LIMD1: variants seen among roughly 807,000 people sequenced by gnomAD.
LIMD1 encodes the protein LIM domain-containing protein 1.
LIMD1 carries 23 observed loss-of-function variants against 58.4 expected under a neutral mutation model. That is an observed-to-expected ratio of 0.39 (90% confidence interval 0.28 to 0.56). The LOEUF (loss-of-function observed/expected upper bound fraction) is 0.56, where lower values mean the gene tolerates loss of function less well. Ranked by LOEUF, LIMD1 falls within the 20% of genes least tolerant of loss-of-function variation. The pLI, the probability that LIMD1 is intolerant of heterozygous loss-of-function variation, is 0.57. For missense variants in LIMD1, 838 were observed against 855.5 expected (o/e 0.98, Z 0.25); for synonymous variants, 334 against 345.5 (o/e 0.97, Z 0.37).
At chr3:45,612,930 C>G (rs1361453851) in intron 1 of LIMD1, 1 of 152,186 alleles carries the variant, frequency 6.6e-6, no homozygotes, top group Non-Finnish European at 1.5e-5. Context: ...CCCCTGACGC[C>G]TATCTTCCCA....
chr3:45,680,456 G>A lies in LIMD1; in HGVS notation c.*3397G>A, dbSNP rs1437849991. ...GCCTCCCGAGTAGCCGGGACCACAG[G>A]CGTGTATGACTGGCTACGCCTGGCT... On this transcript the variant is annotated 3_prime_UTR_variant, in exon 8 of 8. Coordinates refer to ENST00000273317, the MANE Select transcript of LIMD1 (RefSeq NM_014240.3). 3 of 152,122 alleles carry A rather than the reference G, an allele frequency of 2.0e-5. No individual in the cohort carries two copies. Among genetic ancestry groups the A allele is most frequent in the African/African-American group, 7.3e-5 (3 of 41,358 alleles). The allele number at this position is 152,122 out of a possible 1,614,324, so 9.4% of individuals were successfully genotyped here. A position where few individuals can be genotyped will look rare whatever the true frequency, so the allele number is the denominator to read the frequency against.
At chr3:45,628,455 C>G (rs1701688000) in intron 1 of LIMD1, among the ~76,000 whole-genome samples, 1 of 152,148 alleles carries the variant, frequency 6.6e-6, no homozygotes, top group Non-Finnish European at 1.5e-5. Context: ...CAATGAGATG[C>G]TACTGTATAA....
intron 1 of LIMD1, among the ~76,000 whole-genome samples, chr3:45,608,858 AG>A (rs1228841973): frequency 2.0e-5 from 3 of 147,732 alleles, no homozygotes; most frequent in Non-Finnish European, 4.5e-5. Context: ...AAAAAAAAAA[AG>A]AAGGAGAATG....
intron 1 of LIMD1, among the ~76,000 whole-genome samples, chr3:45,635,322 T>C (rs137995690): frequency 2.0e-5 from 3 of 152,100 alleles, no homozygotes; most frequent in African/African-American, 7.2e-5. Flanking sequence ...TCAAACAGTC[T>C]GAGGAAGGAA....
In LIMD1 at chr3:45,596,139, C is replaced by T. The variant is rs150103800; in HGVS notation, c.1260C>T (p.Asp420=). ...SDGSLGSVLL[D]SPSSPRVRLP... ...GTAGCCTGGGATCTGTGCTCCTGGA[C>T]AGCCCCAGCTCCCCTAGGGTAAGGC... The change falls in exon 1 of 8, where the codon GAC becomes GAT. Residue 420 remains aspartate (D), a synonymous_variant. Transcript: ENST00000273317. 1,226 of 1,614,190 alleles carry T rather than the reference C, an allele frequency of 7.6e-4. 10 individuals carry two copies. The African/African-American group carries it at 0.015, about 19-fold the overall frequency.
In LIMD1 at chr3:45,665,805, A is replaced by G. The variant is rs572490471; in HGVS notation, c.1578+88A>G. On this transcript the variant is annotated intron_variant, in intron 3 of 7. Coordinates refer to ENST00000273317, the MANE Select transcript of LIMD1 (RefSeq NM_014240.3). Reference sequence around the variant, plus strand: ...GGGGGACCTGGGCCAGCGTGTAGGGAAGCTGCACTGCTGGAGAGAGGGGCC... The same window carrying G: ...GGGGGACCTGGGCCAGCGTGTAGGGGAGCTGCACTGCTGGAGAGAGGGGCC... The G allele has an allele frequency of 7.3e-6, 8 of 1,101,576 alleles. No individual in the cohort carries two copies. The African/African-American group carries it at 7.8e-5, about 11-fold the overall frequency. The allele number at this position is 1,101,576 out of a possible 1,614,324, so 68.2% of individuals were successfully genotyped here. A position where few individuals can be genotyped will look rare whatever the true frequency, so the allele number is the denominator to read the frequency against.
intron 1 of LIMD1, among the ~76,000 whole-genome samples, chr3:45,627,225 T>A (rs748205015): frequency 7.9e-5 from 12 of 152,124 alleles, no homozygotes; most frequent in Admixed American, 5.2e-4. Context: ...GGGGATTCGC[T>A]GGTGCCCCAA....
chr3:45,632,374 C>T (rs1005824427), intron 1 of LIMD1: 35 of 226,606 alleles, frequency 1.5e-4, no homozygotes, highest in African/African-American at 7.3e-4. Flanking sequence ...ATTATGTCAT[C>T]GCCAGTTCCC....
chr3:45,606,547 T>C (rs1701469972), intron 1 of LIMD1, among the ~76,000 whole-genome samples: 1 of 152,218 alleles, frequency 6.6e-6, no homozygotes. Flanking sequence ...AGTGCCTCCC[T>C]GCAGGGCAGT....
chr3:45,677,111 C>T lies in LIMD1; in HGVS notation c.*52C>T, dbSNP rs781465700. On this transcript the variant is annotated 3_prime_UTR_variant, in exon 8 of 8. Coordinates refer to ENST00000273317, the MANE Select transcript of LIMD1 (RefSeq NM_014240.3). Reference sequence around the variant, plus strand: ...AGGGGATGAGGAGCCGGGGTTGCTGCTGCTGCTTCCGGTGGCCCCTGGGGT... The same window carrying T: ...AGGGGATGAGGAGCCGGGGTTGCTGTTGCTGCTTCCGGTGGCCCCTGGGGT... The T allele has an allele frequency of 1.3e-6, 2 of 1,590,688 alleles. No individual in the cohort carries two copies. Among genetic ancestry groups the T allele is most frequent in the Admixed American group, 1.7e-5 (1 of 59,548 alleles).
chr3:45,612,956 G>A (rs1701540257), intron 1 of LIMD1: 1 of 152,216 alleles, frequency 6.6e-6, no homozygotes, highest in Non-Finnish European at 1.5e-5. Context: ...AGTCGAACAA[G>A]GCAACGCTCC....
At chr3:45,636,476 G>A (rs907311800) in intron 2 of LIMD1, among the ~76,000 whole-genome samples, 2 of 152,176 alleles carry the variant, frequency 1.3e-5, no homozygotes, top group African/African-American at 4.8e-5. Flanking sequence ...TGTGATTCTG[G>A]TGATAAGTTG....
intron 2 of LIMD1, among the ~76,000 whole-genome samples, chr3:45,652,529 T>C (rs1220925314): frequency 6.6e-6 from 1 of 152,348 alleles, no homozygotes; most frequent in African/African-American, 2.4e-5. Flanking sequence ...TTTTGTATTC[T>C]TTCAATCTTC....
At position 45,655,014 on chromosome 3, in the gene LIMD1, G is replaced by A. The variant is rs1017972950; in HGVS notation, c.1511-10636G>A. 4.6e-5 allele frequency among the ~76,000 whole-genome samples: 7 copies of A among 151,092 alleles called. No individual in the cohort carries two copies. In the East Asian group the frequency reaches 1.4e-3, roughly 30 times the overall value. Reference sequence around the variant, plus strand: ...AGCTCACTGCAACCTCTGCCACCCGGGTTCAAGTGATTCTCCTGCCTCAGC... The same window carrying A: ...AGCTCACTGCAACCTCTGCCACCCGAGTTCAAGTGATTCTCCTGCCTCAGC... On this transcript the variant is annotated intron_variant, in intron 2 of 7. Transcript: ENST00000273317.
At position 45,678,460 on chromosome 3, in the gene LIMD1, G is replaced by C. The variant is rs954827272; in HGVS notation, c.*1401G>C. The C allele has an allele frequency of 6.6e-6, 1 of 152,482 alleles. No individual in the cohort carries two copies. Among genetic ancestry groups the C allele is most frequent in the Non-Finnish European group, 1.5e-5 (1 of 68,110 alleles). 9.4% of individuals were successfully genotyped at this position (152,482 alleles called of 1,614,324 possible). A position where few individuals can be genotyped will look rare whatever the true frequency, so the allele number is the denominator to read the frequency against. ...CCCAGGGTGGCAGGAGCTGAGGGAG[G>C]GCCACACACTGGCAAGATTTCAAGA... On this transcript the variant is annotated 3_prime_UTR_variant, in exon 8 of 8. Coordinates refer to ENST00000273317, the MANE Select transcript of LIMD1 (RefSeq NM_014240.3).
intron 2 of LIMD1, among the ~76,000 whole-genome samples, chr3:45,655,043 C>T (rs1702015364): frequency 6.6e-6 from 1 of 151,658 alleles, no homozygotes; most frequent in South Asian, 2.1e-4. Context: ...CCTCAGCCTC[C>T]TGAGTAGCTG....
intron 2 of LIMD1, among the ~76,000 whole-genome samples, chr3:45,655,290 A>C (rs1228904284): frequency 6.6e-6 from 1 of 152,206 alleles, no homozygotes; most frequent in Non-Finnish European, 1.5e-5. Flanking sequence ...ACTGTCTTCT[A>C]AACTGTAAAA....
intron 1 of LIMD1, among the ~76,000 whole-genome samples, chr3:45,627,237 A>T (rs58879887): frequency 0.18 from 27,856 of 152,096 alleles, 2,735 homozygotes; most frequent in Non-Finnish European, 0.23. Context: ...GTGCCCCAAA[A>T]CCATGAAGAT....
chr3:45,617,926 T>C (rs1301745644), intron 1 of LIMD1, among the ~76,000 whole-genome samples: 1 of 152,192 alleles, frequency 6.6e-6, no homozygotes, highest in African/African-American at 2.4e-5. Flanking sequence ...TTCCTCCTCT[T>C]TGGTGAATGC....
Sources: allele counts gnomAD v4.1 joint callset (sites outside exome capture counted in the v4.1 genomes callset), GRCh38; gene constraint gnomAD v4.1.1; transcripts MANE v1.5; gene names NCBI Gene and HGNC (gene_info 2026-07-23, HGNC 2026-07-21).